Variants in CDH23 observed in about 807,000 individuals in gnomAD.
CDH23 encodes the protein cadherin-23.
In CDH23, 189 loss-of-function variants were observed where a neutral mutation model predicts 317.1. The observed-to-expected ratio is 0.60, with a 90% CI of 0.53 to 0.67. CDH23 has a LOEUF of 0.67. Ranked by LOEUF, CDH23 falls within the 30% of genes least tolerant of loss-of-function variation. The probability of loss-of-function intolerance (pLI) is 0.00; values close to 1 mark genes in which losing one functional copy is unlikely to be tolerated. For missense variants in CDH23, 4,401 were observed against 4,592.4 expected (o/e 0.96, Z 1.20); for synonymous variants, 1,839 against 1,876.8 (o/e 0.98, Z 0.52).
At chr10:71,712,972 AGG>A in intron 28 of CDH23, 159 bp downstream of exon 28, 1 of 881,936 alleles carries the variant, frequency 1.1e-6, no homozygotes, top group Non-Finnish European at 1.8e-6. Context: ...AGGGGGACCC[AGG>A]CCCTCTCCCA....
At chr10:71,562,640 C>T (rs1459015284) in intron 6 of CDH23, among the ~76,000 whole-genome samples, 2 of 152,228 alleles carry the variant, frequency 1.3e-5, no homozygotes, top group African/African-American at 4.8e-5. Context: ...TGCAGGCCAG[C>T]GTGAGCAAGT....
In CDH23 at chr10:71,760,221, G is replaced by A. The variant is rs1451782565; in HGVS notation, c.4846-17459G>A. Among the ~76,000 whole-genome samples, 235 of 27,080 alleles carry A rather than the reference G, an allele frequency of 8.7e-3. 75 individuals carry two copies. The highest frequency in any genetic ancestry group is 0.03 in the African/African-American group (215 of 7,074). 17.8% of individuals were successfully genotyped at this position (27,080 alleles called of 152,430 possible). A position where few individuals can be genotyped will look rare whatever the true frequency, so the allele number is the denominator to read the frequency against. On this transcript the variant is annotated intron_variant, in intron 38 of 69. Coordinates refer to ENST00000224721, the MANE Select transcript of CDH23 (RefSeq NM_022124.6). ...TACATATATATGTGTGTATATATGT[G>A]TATATATATGTATATACATATATAT...
Position 71,809,953 on chromosome 10 carries a change from G to A in CDH23, c.8856G>A (p.Arg2952=), listed in dbSNP as rs377598904. 21 of 1,612,308 alleles carry A rather than the reference G, an allele frequency of 1.3e-5. No individual in the cohort carries two copies. The African/African-American group carries it at 2.7e-4, about 20-fold the overall frequency. Residue 2952 remains arginine, a synonymous_variant, in exon 61 of 70, where the codon AGG becomes AGA. Transcript: ENST00000224721. Reference sequence around the variant, plus strand: ...CCATCATCGGCATCTACATCCTGAGGGACGACCAGCGCGTCAAGATCGTCA... The same window carrying A: ...CCATCATCGGCATCTACATCCTGAGAGACGACCAGCGCGTCAAGATCGTCA... ...DTAIIGIYIL[R]DDQRVKIVIN... is the part of the protein sequence containing the mutation.
At chr10:71,475,272 C>G (rs1851731154) in intron 3 of CDH23, among the ~76,000 whole-genome samples, 1 of 152,228 alleles carries the variant, frequency 6.6e-6, no homozygotes, top group Admixed American at 6.5e-5. Context: ...CCTGACCTCT[C>G]CAGCCTGCTG....
At chr10:71,812,155 T>TCCCTC in intron 66 of CDH23, 140 bp downstream of exon 66, 1 of 1,588,410 alleles carries the variant, frequency 6.3e-7, no homozygotes, top group Non-Finnish European at 8.6e-7. Context: ...CACCCTCCCT[T>TCCCTC]CACCCTCCCT....
At chr10:71,604,316 T>C (rs114139794) in intron 9 of CDH23, among the ~76,000 whole-genome samples, 1 of 152,202 alleles carries the variant, frequency 6.6e-6, no homozygotes, top group African/African-American at 2.4e-5. Context: ...TTTTAAAAGC[T>C]AAGAGTGGAA....
In CDH23 at chr10:71,805,929, A is replaced by G. The variant is rs368394419; in HGVS notation, c.7996A>G (p.Ile2666Val). 1.8e-5 allele frequency: 29 copies of G among 1,613,394 alleles called. No homozygotes were observed. The African/African-American group carries it at 3.2e-4, about 18-fold the overall frequency. The change falls in exon 56 of 70, where the codon ATC becomes GTC. Residue 2666 changes from isoleucine to valine, a missense_variant. Physicochemically the swap from Ile to Val is conservative, Grantham distance 29. Coordinates refer to ENST00000224721, the MANE Select transcript of CDH23 (RefSeq NM_022124.6). The stretch of plus-strand genomic sequence containing the variant: ...CAACCGGGACTGGGAGTTCTTCATC[A>G]TCGACCCAATCAGCGGCCTCATCCA... ...AGNRDWEFFIIDPISGLIQTA... is the reference protein window; with the variant it reads ...AGNRDWEFFIVDPISGLIQTA...
intron 1 of CDH23, among the ~76,000 whole-genome samples, chr10:71,432,801 C>T (rs1171171569): frequency 3.3e-5 from 5 of 152,120 alleles, no homozygotes; most frequent in African/African-American, 9.7e-5. Context: ...CAGCGCCTCC[C>T]GAGCTGGGAC....
At chr10:71,648,909 C>T (rs1303054671) in intron 14 of CDH23, among the ~76,000 whole-genome samples, 1 of 152,174 alleles carries the variant, frequency 6.6e-6, no homozygotes, top group African/African-American at 2.4e-5. Context: ...GGTAACAGCT[C>T]TCACAGCAGG....
intron 14 of CDH23, among the ~76,000 whole-genome samples, chr10:71,672,942 C>T (rs1281957299): frequency 6.6e-6 from 1 of 152,120 alleles, no homozygotes; most frequent in Non-Finnish European, 1.5e-5. Flanking sequence ...CCCTCCCTTC[C>T]TGCACACCCC....
intron 38 of CDH23, chr10:71,753,920 T>A: frequency 2.2e-6 from 1 of 456,030 alleles, no homozygotes; most frequent in South Asian, 1.5e-5. Context: ...CATCTCATCC[T>A]CTGTGCCACC....
At chr10:71,597,858 CTCT>C (rs1859960353) in intron 9 of CDH23, among the ~76,000 whole-genome samples, 1 of 152,234 alleles carries the variant, frequency 6.6e-6, no homozygotes, top group South Asian at 2.1e-4. Flanking sequence ...CTCAGAGCCT[CTCT>C]TCTAACAGAG....
chr10:71,599,534 TG>T (rs1860079406), intron 9 of CDH23, among the ~76,000 whole-genome samples: 1 of 152,158 alleles, frequency 6.6e-6, no homozygotes, highest in Non-Finnish European at 1.5e-5. Flanking sequence ...GGTAGTGTTG[TG>T]GGGGGTGATT....
chr10:71,813,752 C>A (rs1320174101), intron 69 of CDH23, among the ~76,000 whole-genome samples: 2 of 152,024 alleles, frequency 1.3e-5, no homozygotes, highest in Non-Finnish European at 2.9e-5. Context: ...ACTAAAAATA[C>A]AAAAAATTAG....
At chr10:71,695,610 C>T (rs1477421674) in intron 22 of CDH23, 85 bp downstream of exon 22, 17 of 912,994 alleles carry the variant, frequency 1.9e-5, no homozygotes, top group Non-Finnish European at 3.0e-5. Flanking sequence ...GGGGGCCTTC[C>T]CCTATGGGGC....
At chr10:71,441,141 A>G (rs1849856597) in intron 2 of CDH23, among the ~76,000 whole-genome samples, 1 of 152,164 alleles carries the variant, frequency 6.6e-6, no homozygotes, top group Non-Finnish European at 1.5e-5. Flanking sequence ...CTCATTTTAC[A>G]GAGGAGACAC....
intron 2 of CDH23, 38 bp downstream of exon 2, chr10:71,439,936 C>T: frequency 6.6e-7 from 1 of 1,513,322 alleles, no homozygotes; most frequent in African/African-American, 1.4e-5. Flanking sequence ...CCATGGGCAG[C>T]CTCTGCACGG....
chr10:71,767,216 C>T (rs1379337613), intron 38 of CDH23, among the ~76,000 whole-genome samples: 1 of 152,246 alleles, frequency 6.6e-6, no homozygotes, highest in Non-Finnish European at 1.5e-5. Flanking sequence ...ACCCAGCAGG[C>T]CCCGGGTGAC....
intron 3 of CDH23, among the ~76,000 whole-genome samples, chr10:71,458,809 A>G (rs1456910002): frequency 6.6e-6 from 1 of 152,196 alleles, no homozygotes; most frequent in Non-Finnish European, 1.5e-5. Flanking sequence ...TGTTTTTGAG[A>G]TGGAGTCTCG....
Sources: allele counts gnomAD v4.1 joint callset (sites outside exome capture counted in the v4.1 genomes callset), GRCh38; gene constraint gnomAD v4.1.1; transcripts MANE v1.5; gene names NCBI Gene and HGNC (gene_info 2026-07-23, HGNC 2026-07-21).